DDX42: variants seen among roughly 807,000 people sequenced by gnomAD.
DDX42 encodes the protein ATP-dependent RNA helicase DDX42.
In DDX42, 22 loss-of-function variants were observed where a neutral mutation model predicts 101.5. That is an observed-to-expected ratio of 0.22 (90% CI 0.15 to 0.31). DDX42 has a LOEUF of 0.31. Ranked by LOEUF, DDX42 falls within the 10% of genes least tolerant of loss-of-function variation. DDX42 has a pLI of 1.00. For synonymous variants in DDX42, 402 were observed against 401.2 expected, an observed-to-expected ratio of 1.00 and a Z score of -0.02; for missense variants, 849 against 1,199.9, an observed-to-expected ratio of 0.71 and a Z score of 4.32.
chr17:63,816,180 T>C (rs1001873120), intron 16 of DDX42, among the ~76,000 whole-genome samples: 1 of 152,196 alleles, frequency 6.6e-6, no homozygotes, highest in Non-Finnish European at 1.5e-5. Flanking sequence ...AAATGTACCC[T>C]TTTGGTGGCC....
chr17:63,805,905 A>G (rs1567741460), intron 7 of DDX42: 2 of 152,258 alleles, frequency 1.3e-5, no homozygotes, highest in Admixed American at 6.5e-5. Flanking sequence ...TGAAATCCTG[A>G]TTGGAAATAT....
chr17:63,793,016 G>A (rs2039647841), intron 3 of DDX42, among the ~76,000 whole-genome samples: 1 of 151,706 alleles, frequency 6.6e-6, no homozygotes, highest in Non-Finnish European at 1.5e-5. Flanking sequence ...CCACCTCCTT[G>A]AAACTCTTCT....
chr17:63,803,951 G>A (rs758689761), intron 6 of DDX42, among the ~76,000 whole-genome samples: 1 of 152,006 alleles, frequency 6.6e-6, no homozygotes, highest in Non-Finnish European at 1.5e-5. Flanking sequence ...CTCCAGGCCT[G>A]GAGGCAAGAA....
chr17:63,801,526 A>AT (rs1350536161), intron 6 of DDX42, among the ~76,000 whole-genome samples: 2 of 150,154 alleles, frequency 1.3e-5, no homozygotes, highest in Non-Finnish European at 3.0e-5. Context: ...GCATGCCTTT[A>AT]TTTTTTTGTT....
At chr17:63,780,404 A>G (rs1396687190) in intron 1 of DDX42, among the ~76,000 whole-genome samples, 4 of 152,234 alleles carry the variant, frequency 2.6e-5, no homozygotes, top group Non-Finnish European at 4.4e-5. Flanking sequence ...GGTTAGCTAG[A>G]TAACAAGGTT....
chr17:63,812,349 AAGCAGCAGTTC>A, intron 14 of DDX42, 141 bp downstream of exon 14: 1 of 1,022,830 alleles, frequency 9.8e-7, no homozygotes, highest in Non-Finnish European at 1.4e-6. Context: ...ACCCCCAAGG[AAGCAGCAGTTC>A]AGCACAGGGA....
At chr17:63,817,282 A>T (rs908852773) in intron 17 of DDX42, 8 of 345,290 alleles carry the variant, frequency 2.3e-5, no homozygotes, top group Non-Finnish European at 2.6e-5. Context: ...CCTCCAACTC[A>T]CTTCTGAAGC....
At chr17:63,774,826 G>C (rs3760252) in intron 1 of DDX42, 103,981 of 152,160 alleles carry the variant, frequency 0.68, 36,968 homozygotes, top group African/African-American at 0.9. Context: ...TTTGTGCAGC[G>C]TTGAGTAGGT....
At chr17:63,812,234 T>G (rs1422893871) in intron 14 of DDX42, 26 bp downstream of exon 14, 5 of 1,602,116 alleles carry the variant, frequency 3.1e-6, no homozygotes, top group Non-Finnish European at 4.3e-6. Flanking sequence ...TTCAACAACA[T>G]TAAGTTCCTA....
At chr17:63,783,956 C>T (rs574594801) in intron 1 of DDX42, among the ~76,000 whole-genome samples, 7 of 152,060 alleles carry the variant, frequency 4.6e-5, no homozygotes, top group East Asian at 3.9e-4. Context: ...CCCAGCTACT[C>T]GGGAGGCTGA....
chr17:63,794,978 G>T (rs1202621025), intron 3 of DDX42, among the ~76,000 whole-genome samples: 4 of 150,464 alleles, frequency 2.7e-5, no homozygotes, highest in African/African-American at 9.7e-5. Flanking sequence ...AATTAGTTAT[G>T]AAATAAAATC....
Position 63,775,618 on chromosome 17 carries a change from A to G in DDX42, c.-17+1242A>G, listed in dbSNP as rs1490935680. Among the ~76,000 whole-genome samples the G allele has an allele frequency of 2.0e-5, 3 of 152,304 alleles. No homozygotes were observed. The East Asian group carries it at 5.8e-4, about 29-fold the overall frequency. The stretch of plus-strand genomic sequence containing the variant: ...GGAAAGGAACGTTCCAAGCTAGAGA[A>G]TAACAAACATAAAAGCCTTGAGGAG... On this transcript the variant is annotated intron_variant, in intron 1 of 17. Transcript: ENST00000389924.
chr17:63,803,828 T>G (rs1293452857), intron 6 of DDX42, among the ~76,000 whole-genome samples: 1 of 151,564 alleles, frequency 6.6e-6, no homozygotes. Flanking sequence ...TTTTGTATTT[T>G]TGGTAGAGAC....
At position 63,808,889 on chromosome 17, in the gene DDX42, A is replaced by C; in HGVS notation, c.1093A>C (p.Ser365Arg). ...ATCAGTGGCCGTATATGGAGGAGGGAGTATGTGGGAGCAGGCCAAGGCCCT... is the reference window on the plus strand; with the variant it reads ...ATCAGTGGCCGTATATGGAGGAGGGCGTATGTGGGAGCAGGCCAAGGCCCT... The part of the protein sequence containing the change: ...LRSVAVYGGG[S>R]MWEQAKALQE... The change falls in exon 10 of 18, where the codon AGT becomes CGT. Residue 365 changes from serine (S) to arginine (R), a missense_variant. Coordinates refer to ENST00000389924, the MANE Select transcript of DDX42 (RefSeq NM_203499.3). 2 of 1,613,936 alleles carry C rather than the reference A, an allele frequency of 1.2e-6. No individual in the cohort carries two copies. The highest frequency in any genetic ancestry group is 2.2e-5 in the East Asian group (1 of 44,854).
intron 2 of DDX42, among the ~76,000 whole-genome samples, chr17:63,791,007 A>G (rs780774877): frequency 7.9e-5 from 12 of 152,342 alleles, no homozygotes; most frequent in Admixed American, 3.9e-4. Flanking sequence ...ATTAGTGTGT[A>G]TATATATGTA....
intron 2 of DDX42, among the ~76,000 whole-genome samples, chr17:63,791,899 T>C (rs2039632605): frequency 6.6e-6 from 1 of 151,788 alleles, no homozygotes; most frequent in Non-Finnish European, 1.5e-5. Context: ...ATACAAAAAT[T>C]AGCCAGGCAT....
chr17:63,800,514 T>C lies in DDX42; in HGVS notation c.518T>C (p.Val173Ala). The change falls in exon 6 of 18, where the codon GTT becomes GCT. Residue 173 changes from valine (V) to alanine (A), a missense_variant. This residue lies in a region of DDX42 where 370 missense variants were observed against 608.8 expected (regional missense o/e 0.61). Coordinates refer to ENST00000389924, the MANE Select transcript of DDX42 (RefSeq NM_203499.3). Reference sequence around the variant, plus strand: ...GCAGAAAACCCAACTGCTGGTGTGGTTCAGGAGGAAGAGGAAGACAATCTA... The same window carrying C: ...GCAGAAAACCCAACTGCTGGTGTGGCTCAGGAGGAAGAGGAAGACAATCTA... ...YMAENPTAGV[V>A]QEEEEDNLEY... 1 of 1,614,110 alleles carries C rather than the reference T, an allele frequency of 6.2e-7. No homozygotes were observed. The highest frequency in any genetic ancestry group is 1.1e-5 in the South Asian group (1 of 91,074).
intron 1 of DDX42, chr17:63,776,267 C>G (rs1019091443): frequency 6.6e-6 from 1 of 152,260 alleles, no homozygotes; most frequent in Non-Finnish European, 1.5e-5. Context: ...TAAGTGTGTT[C>G]CACATTTATT....
intron 2 of DDX42, among the ~76,000 whole-genome samples, chr17:63,792,028 T>C (rs1026376684): frequency 1.3e-5 from 2 of 149,510 alleles, no homozygotes; most frequent in African/African-American, 5.0e-5. Context: ...GCCTGGGCGA[T>C]GAGGAAAACC....
Sources: allele counts gnomAD v4.1 joint callset (sites outside exome capture counted in the v4.1 genomes callset), GRCh38; gene constraint gnomAD v4.1.1; regional missense constraint gnomAD v4.1.1; transcripts MANE v1.5; gene names NCBI Gene and HGNC (gene_info 2026-07-23, HGNC 2026-07-21).